CHST12: variants seen among roughly 807,000 people sequenced by gnomAD.
The protein encoded by CHST12 is carbohydrate (chondroitin 4) sulfotransferase 12.
In CHST12, 23 loss-of-function variants were observed where a neutral mutation model predicts 27.9. That is an observed-to-expected ratio of 0.82 (90% CI 0.59 to 1.17). The LOEUF (loss-of-function observed/expected upper bound fraction) is 1.17, where lower values mean the gene tolerates loss of function less well. Among genes scored for constraint, CHST12 ranks in the 50% most tolerant of loss-of-function variants. The pLI is 0.00. For synonymous variants in CHST12, 322 were observed against 273.0 expected, an observed-to-expected ratio of 1.18 and a Z score of -1.77; for missense variants, 682 against 603.0, an observed-to-expected ratio of 1.13 and a Z score of -1.37.
intron 1 of CHST12, among the ~76,000 whole-genome samples, chr7:2,419,968 C>CTTTTTTTTTTTT (rs869252983): frequency 1.2e-5 from 1 of 81,386 alleles, no homozygotes; most frequent in Non-Finnish European, 2.2e-5. Context: ...AAATATTTGT[C>CTTTTTTTTTTTT]TTTTTTTTTT....
At chr7:2,414,347 GAT>G (rs1258646041) in intron 1 of CHST12, among the ~76,000 whole-genome samples, 1 of 151,712 alleles carries the variant, frequency 6.6e-6, no homozygotes, top group Non-Finnish European at 1.5e-5. Flanking sequence ...GCAATGGTGT[GAT>G]CTTGGCTCAC....
At chr7:2,421,679 T>A (rs1178793546) in intron 1 of CHST12, among the ~76,000 whole-genome samples, 1 of 151,974 alleles carries the variant, frequency 6.6e-6, no homozygotes. Flanking sequence ...TCAAGTGATC[T>A]GCCCACCTCA....
rs1486345653 is a variant in CHST12, at chr7:2,444,246, T to C, written c.*10362T>C. ...TTGCAGTGAGCCGAGATCCCGCCAC[T>C]GCACTCCAGCCTGGGCGACAGAGCG... On this transcript the variant is annotated 3_prime_UTR_variant, in exon 2 of 2. Coordinates refer to ENST00000618655, the MANE Select transcript of CHST12 (RefSeq NM_018641.5). The C allele has an allele frequency of 1.5e-5, 2 of 131,418 alleles. No homozygotes were observed. Among genetic ancestry groups the C allele is most frequent in the African/African-American group, 6.0e-5 (2 of 33,334 alleles). The allele number at this position is 131,418 out of a possible 1,614,324, so 8.1% of individuals were successfully genotyped here.
intron 1 of CHST12, among the ~76,000 whole-genome samples, chr7:2,424,570 A>G (rs1338292612): frequency 1.3e-5 from 2 of 151,854 alleles, no homozygotes; most frequent in Non-Finnish European, 2.9e-5. Flanking sequence ...CCCCCGGAAG[A>G]CTCCCGGGCA....
At chr7:2,429,394 T>C (rs577752804) in intron 1 of CHST12, among the ~76,000 whole-genome samples, 20 of 152,194 alleles carry the variant, frequency 1.3e-4, no homozygotes, top group African/African-American at 4.6e-4. Context: ...TTTGTACTTA[T>C]TTTCACTGGT....
At chr7:2,416,687 T>G (rs780784137) in intron 1 of CHST12, among the ~76,000 whole-genome samples, 175 of 152,170 alleles carry the variant, frequency 1.2e-3, no homozygotes, top group Non-Finnish European at 1.9e-3. Flanking sequence ...GTGGCCTGTG[T>G]GCTTTTTCTA....
At chr7:2,428,174 T>C (rs1782180220) in intron 1 of CHST12, among the ~76,000 whole-genome samples, 1 of 151,116 alleles carries the variant, frequency 6.6e-6, no homozygotes, top group African/African-American at 2.4e-5. Flanking sequence ...ATAAGTGATA[T>C]TGGCCTGTAG....
chr7:2,422,166 G>C (rs567828770), intron 1 of CHST12, among the ~76,000 whole-genome samples: 29 of 152,058 alleles, frequency 1.9e-4, no homozygotes, highest in Admixed American at 3.9e-4. Flanking sequence ...CACTCTCCTC[G>C]TTAGTCTTCA....
At position 2,439,290 on chromosome 7, in the gene CHST12, T is replaced by C. The variant is rs966339722; in HGVS notation, c.*5406T>C. On this transcript the variant is annotated 3_prime_UTR_variant, in exon 2 of 2. Coordinates refer to ENST00000618655, the MANE Select transcript of CHST12 (RefSeq NM_018641.5). ...TGAGCCGTTTCTTAGCATCATGAGATTTTAGAAACATGTTCTTACTCTGCC... is the reference window on the plus strand; with the variant it reads ...TGAGCCGTTTCTTAGCATCATGAGACTTTAGAAACATGTTCTTACTCTGCC... The C allele has an allele frequency of 2.0e-5, 3 of 152,086 alleles. No individual in the cohort carries two copies. The highest frequency in any genetic ancestry group is 4.8e-5 in the African/African-American group (2 of 41,412). The allele number at this position is 152,086 out of a possible 1,614,324, so 9.4% of individuals were successfully genotyped here. A position where few individuals can be genotyped will look rare whatever the true frequency, so the allele number is the denominator to read the frequency against.
intron 1 of CHST12, among the ~76,000 whole-genome samples, chr7:2,413,624 T>C (rs573799333): frequency 2.2e-4 from 33 of 152,216 alleles, no homozygotes; most frequent in African/African-American, 7.0e-4. Context: ...GTCTGGCTCC[T>C]TTTTCAGTGT....
chr7:2,422,866 CT>C (rs576927497), intron 1 of CHST12, among the ~76,000 whole-genome samples: 2,059 of 136,716 alleles, frequency 0.015, 13 homozygotes, highest in African/African-American at 0.032. Flanking sequence ...TTCAGAAAAC[CT>C]TTTTTTTTTT....
intron 1 of CHST12, among the ~76,000 whole-genome samples, chr7:2,415,126 A>T (rs1326592786): frequency 6.6e-6 from 1 of 152,206 alleles, no homozygotes. Context: ...GCACTTTGGG[A>T]GGCCAAGGCG....
At chr7:2,412,394 G>A (rs747175954) in intron 1 of CHST12, among the ~76,000 whole-genome samples, 1 of 152,138 alleles carries the variant, frequency 6.6e-6, no homozygotes, top group African/African-American at 2.4e-5. Flanking sequence ...TGACTACAGC[G>A]ATGGGAACTG....
chr7:2,418,603 T>C (rs1158660890), intron 1 of CHST12, among the ~76,000 whole-genome samples: 1 of 152,238 alleles, frequency 6.6e-6, no homozygotes, highest in Non-Finnish European at 1.5e-5. Context: ...GGCTTCAGTG[T>C]TGCCCATGAT....
In CHST12 at chr7:2,446,399, A is replaced by G. The variant is rs1243548294; in HGVS notation, c.*12515A>G. On this transcript the variant is annotated 3_prime_UTR_variant, in exon 2 of 2. Transcript: ENST00000618655. The stretch of plus-strand genomic sequence containing the variant: ...CTCTGAGGAAAAACCTCTCCAGCCC[A>G]GCGCGTGGCCTGGCATTAACCCACT... 6.5e-6 allele frequency: 1 copy of G among 152,822 alleles called. No individual in the cohort carries two copies. The highest frequency in any genetic ancestry group is 1.5e-5 in the Non-Finnish European group (1 of 68,152). The allele number at this position is 152,822 out of a possible 1,614,324, so 9.5% of individuals were successfully genotyped here. A position where few individuals can be genotyped will look rare whatever the true frequency, so the allele number is the denominator to read the frequency against.
intron 1 of CHST12, among the ~76,000 whole-genome samples, chr7:2,421,628 G>C (rs554230944): frequency 6.6e-6 from 1 of 151,974 alleles, no homozygotes; most frequent in East Asian, 1.9e-4. Context: ...GTAGAGACAG[G>C]GTTTTGCCAT....
intron 1 of CHST12, among the ~76,000 whole-genome samples, chr7:2,428,432 T>G (rs1052365385): frequency 6.6e-6 from 1 of 152,134 alleles, no homozygotes. Context: ...CGGGGCTCTT[T>G]TATTTGTTCC....
At chr7:2,413,723 C>CTTT (rs1198072520) in intron 1 of CHST12, among the ~76,000 whole-genome samples, 328 of 104,084 alleles carry the variant, frequency 3.2e-3, no homozygotes, top group Non-Finnish European at 3.9e-3. Flanking sequence ...CAGGTTTTAG[C>CTTT]TTTTTTTTTT....
intron 1 of CHST12, among the ~76,000 whole-genome samples, chr7:2,412,042 CTG>C (rs200105416): frequency 0.014 from 2,126 of 152,306 alleles, 55 homozygotes; most frequent in African/African-American, 0.048. Flanking sequence ...CTGATAGCCT[CTG>C]TGCTCTAGGA....
Sources: gnomAD v4.1 joint callset for allele counts (sites outside exome capture counted in the v4.1 genomes callset) on GRCh38, gnomAD v4.1.1 for gene constraint, MANE v1.5 for transcripts, NCBI Gene and HGNC (gene_info 2026-07-23, HGNC 2026-07-21) for gene names.